The following ADAM12 variants were observed in gnomAD, a reference collection of about 807,000 sequenced individuals.
The protein encoded by ADAM12 is ADAM metallopeptidase domain 12.
In ADAM12, 70 loss-of-function variants were observed where a neutral mutation model predicts 106.4. The observed-to-expected ratio is 0.66, with a 90% CI of 0.54 to 0.80. The LOEUF (loss-of-function observed/expected upper bound fraction) is 0.80. ADAM12 is among the 30% of genes least tolerant of loss of function. The pLI, the probability that ADAM12 is intolerant of heterozygous loss-of-function variation, is 0.00. For missense variants in ADAM12, 1,010 were observed against 1,171.9 expected, an observed-to-expected ratio of 0.86 and a Z score of 2.02; for synonymous variants, 420 against 433.5, an observed-to-expected ratio of 0.97 and a Z score of 0.39.
intron 4 of ADAM12, among the ~76,000 whole-genome samples, chr10:126,137,806 T>C (rs1052854968): frequency 3.3e-5 from 5 of 152,292 alleles, no homozygotes; most frequent in Non-Finnish European, 5.9e-5. Flanking sequence ...GAGTTGTTTC[T>C]ACTTTTTGAC....
At chr10:126,279,475 C>T (rs1959448864) in intron 2 of ADAM12, among the ~76,000 whole-genome samples, 1 of 61,190 alleles carries the variant, frequency 1.6e-5, no homozygotes, top group African/African-American at 6.5e-5. Context: ...CTTTGGGAGG[C>T]CGAGGGGTGG....
chr10:126,034,154 T>C (rs1050143291), intron 21 of ADAM12, among the ~76,000 whole-genome samples: 1 of 152,238 alleles, frequency 6.6e-6, no homozygotes, highest in African/African-American at 2.4e-5. Flanking sequence ...GAAGAAATAT[T>C]GACTAGTAGA....
At chr10:126,265,847 G>A (rs1257036198) in intron 3 of ADAM12, among the ~76,000 whole-genome samples, 1 of 152,142 alleles carries the variant, frequency 6.6e-6, no homozygotes, top group East Asian at 1.9e-4. Flanking sequence ...ACAACGTGGG[G>A]ACTGTGTTTA....
intron 3 of ADAM12, among the ~76,000 whole-genome samples, chr10:126,249,487 CAGG>C (rs968574174): frequency 2.6e-5 from 4 of 152,182 alleles, no homozygotes; most frequent in African/African-American, 9.7e-5. Flanking sequence ...ATCACGAGGT[CAGG>C]AGATCAAGAC....
rs140524521 is a variant in ADAM12 at position 126,353,069 on chromosome 10, C to T, written c.89-22560G>A. Among the ~76,000 whole-genome samples the T allele has an allele frequency of 3.7e-3, 570 of 152,308 alleles. 3 individuals are homozygous for T. The highest frequency in any genetic ancestry group is 0.01 in the African/African-American group (425 of 41,568). On this transcript the variant is annotated intron_variant, in intron 1 of 22. Coordinates refer to ENST00000448723, the MANE Select transcript of ADAM12 (RefSeq NM_001288973.2). The stretch of plus-strand genomic sequence containing the variant: ...GCTCCAGAACATCCTTCCTCCCATT[C>T]GTGGAACATCAGAGCATCTCCTGCA...
intron 2 of ADAM12, among the ~76,000 whole-genome samples, chr10:126,298,109 C>T (rs1428894031): frequency 6.6e-6 from 1 of 151,982 alleles, no homozygotes; most frequent in African/African-American, 2.4e-5. Context: ...ACCAACCAAC[C>T]ATATGACATC....
At chr10:126,252,039 G>A (rs1301553947) in intron 3 of ADAM12, among the ~76,000 whole-genome samples, 4 of 148,184 alleles carry the variant, frequency 2.7e-5, no homozygotes, top group Non-Finnish European at 5.9e-5. Context: ...GGGATGGATA[G>A]ATTGGATGGA....
chr10:126,026,957 T>TC (rs1444994389), intron 21 of ADAM12, among the ~76,000 whole-genome samples: 1 of 151,568 alleles, frequency 6.6e-6, no homozygotes, highest in Non-Finnish European at 1.5e-5. Context: ...GAAAAACTCT[T>TC]CAACAAATCA....
In ADAM12 at chr10:126,019,808, G is replaced by A. The variant is rs56409749; in HGVS notation, c.2547C>T (p.Asn849=). The change falls in exon 22 of 23, where the codon AAC becomes AAT. Residue 849 remains asparagine (N), a synonymous_variant. Transcript: ENST00000448723. ...CTGCAGGCAGAGGCTTCTGAGGGGG[G>A]TTTGGCTTACAGGTCCCCTGCAATA... The part of the protein sequence containing the change: ...LRQAQGTCKP[N]PPQKPLPADP... The A allele has an allele frequency of 7.2e-4, 1,159 of 1,613,770 alleles. 1 individual carries two copies. Among genetic ancestry groups the A allele is most frequent in the Non-Finnish European group, 9.4e-4 (1,109 of 1,179,922 alleles).
chr10:126,146,579 A>G (rs1451526736), intron 4 of ADAM12, among the ~76,000 whole-genome samples: 2 of 152,102 alleles, frequency 1.3e-5, no homozygotes, highest in Non-Finnish European at 2.9e-5. Flanking sequence ...GAAAATTGCA[A>G]TTTAGTTCAC....
intron 21 of ADAM12, 28 bp from the exon 22 acceptor site, chr10:126,019,853 T>G (rs1183128785): frequency 5.6e-6 from 9 of 1,596,532 alleles, no homozygotes; most frequent in Non-Finnish European, 7.7e-6. Flanking sequence ...TTAGGCAGGG[T>G]CACTTACCAG....
At chr10:126,126,226 G>C (rs552373974) in intron 5 of ADAM12, among the ~76,000 whole-genome samples, 50 of 152,082 alleles carry the variant, frequency 3.3e-4, no homozygotes, top group Non-Finnish European at 6.5e-4. Flanking sequence ...CTCCTCTTCA[G>C]GGTCACGCAC....
intron 1 of ADAM12, among the ~76,000 whole-genome samples, chr10:126,380,098 C>T (rs1856437948): frequency 6.6e-6 from 1 of 152,072 alleles, no homozygotes; most frequent in South Asian, 2.1e-4. Flanking sequence ...GACATAAAAG[C>T]TTAAAGGATA....
chr10:126,179,654 T>C (rs1264907867), intron 3 of ADAM12, among the ~76,000 whole-genome samples: 5 of 152,192 alleles, frequency 3.3e-5, no homozygotes, highest in East Asian at 1.9e-4. Context: ...CAATAAACAC[T>C]GAGTGCCGAT....
chr10:126,245,946 T>C (rs1328752784), intron 3 of ADAM12, among the ~76,000 whole-genome samples: 10 of 151,848 alleles, frequency 6.6e-5, no homozygotes, highest in Admixed American at 1.3e-4. Context: ...AGGAGAAAAT[T>C]TGACTGGGAA....
chr10:126,125,637 C>T (rs1373120202), intron 5 of ADAM12, among the ~76,000 whole-genome samples: 1 of 151,802 alleles, frequency 6.6e-6, no homozygotes, highest in Non-Finnish European at 1.5e-5. Flanking sequence ...ATGAGAGTCC[C>T]CAGGTCACTG....
chr10:126,308,095 G>T (rs1223582336), intron 2 of ADAM12, among the ~76,000 whole-genome samples: 2 of 152,002 alleles, frequency 1.3e-5, no homozygotes, highest in Non-Finnish European at 2.9e-5. Context: ...TTCTAGTAAG[G>T]CTCAGTCCAA....
At position 126,306,284 on chromosome 10, in the gene ADAM12, CTTA is replaced by C. The variant is rs1960841929; in HGVS notation, c.186+24125_186+24127del. Among the ~76,000 whole-genome samples, 3 of 152,054 alleles carry C rather than the reference CTTA, an allele frequency of 2.0e-5. No individual in the cohort carries two copies. In the South Asian group the frequency reaches 6.2e-4, roughly 32 times the overall value. ...TGGAGATAAAAATGAGGATCCCAGA[CTTA>C]TTATTAACTTAGTATCTTTACTGTT... On this transcript the variant is annotated intron_variant, in intron 2 of 22. Transcript: ENST00000448723.
At chr10:126,109,962 C>G in intron 6 of ADAM12, 122 bp from the exon 7 acceptor site, 1 of 821,922 alleles carries the variant, frequency 1.2e-6, no homozygotes, top group Non-Finnish European at 1.8e-6. Flanking sequence ...GCCAGGCCCC[C>G]ACACCTCCAT....
Sources: gnomAD v4.1 joint callset for allele counts (sites outside exome capture counted in the v4.1 genomes callset) on GRCh38, gnomAD v4.1.1 for gene constraint, MANE v1.5 for transcripts, NCBI Gene and HGNC (gene_info 2026-07-23, HGNC 2026-07-21) for gene names.